UQCRC1: variants seen among roughly 807,000 people sequenced by gnomAD.
UQCRC1 encodes the protein cytochrome b-c1 complex subunit 1, mitochondrial.
Under a neutral mutation model 58.0 loss-of-function variants are expected in UQCRC1, and 34 were observed. The ratio of observed to expected loss-of-function variants is 0.59; its 90% CI spans 0.45 to 0.78. The LOEUF (loss-of-function observed/expected upper bound fraction) is 0.78, where lower values mean the gene tolerates loss of function less well. Ranked by LOEUF, UQCRC1 falls within the 30% of genes least tolerant of loss-of-function variation. The probability of loss-of-function intolerance (pLI) is 0.00; values close to 1 mark genes in which losing one functional copy is unlikely to be tolerated. For missense variants in UQCRC1, 610 were observed against 646.0 expected (o/e 0.94, Z 0.60); for synonymous variants, 276 against 248.8 (o/e 1.11, Z -1.03).
At position 48,609,583 on chromosome 3, in the gene UQCRC1, CCGGCGGTAGCGGCCCGACAGACCA is replaced by C; in HGVS notation, c.14_37del (p.Val5_Ala12del). On this transcript the variant is annotated inframe_deletion, in exon 1 of 13. Coordinates refer to ENST00000203407, the MANE Select transcript of UQCRC1 (RefSeq NM_003365.3). ...GCGGGCGCGCAATAGCACTTGTGCC[CCGGCGGTAGCGGCCCGACAGACCA>C]CGGACGCCGCCATCTTCCAGCTGCA... The C allele has an allele frequency of 6.4e-7, 1 of 1,571,798 alleles. No individual in the cohort carries two copies. Among genetic ancestry groups the C allele is most frequent in the Non-Finnish European group, 8.6e-7 (1 of 1,163,582 alleles).
At chr3:48,605,304 T>C (rs138596516) in intron 3 of UQCRC1, among the ~76,000 whole-genome samples, 3 of 152,330 alleles carry the variant, frequency 2.0e-5, no homozygotes, top group East Asian at 1.9e-4. Context: ...ACCTGTGACA[T>C]TGCAGCTGGC....
intron 11 of UQCRC1, 95 bp from the exon 12 acceptor site, chr3:48,599,805 C>G: frequency 7.5e-7 from 1 of 1,334,738 alleles, no homozygotes; most frequent in African/African-American, 1.4e-5. Context: ...CTCCCACAGG[C>G]AGCATGCAGC....
chr3:48,601,913 G>A (rs1001484563), intron 6 of UQCRC1, among the ~76,000 whole-genome samples: 1 of 152,118 alleles, frequency 6.6e-6, no homozygotes, highest in Non-Finnish European at 1.5e-5. Context: ...GCTATTACAG[G>A]GCTGTGATTA....
At chr3:48,599,298 C>T in intron 12 of UQCRC1, 106 bp from the exon 13 acceptor site, 1 of 1,295,318 alleles carries the variant, frequency 7.7e-7, no homozygotes, top group Non-Finnish European at 1.1e-6. Flanking sequence ...CAGCACAAGA[C>T]AGGCTTTGAG....
chr3:48,601,159 C>T (rs1310349010), intron 7 of UQCRC1, 41 bp from the exon 8 acceptor site: 2 of 1,574,840 alleles, frequency 1.3e-6, no homozygotes, highest in South Asian at 1.2e-5. Flanking sequence ...AGCCAGACTG[C>T]CAGGGGAACA....
chr3:48,602,378 A>G (rs1162339271), intron 6 of UQCRC1, among the ~76,000 whole-genome samples: 1 of 151,182 alleles, frequency 6.6e-6, no homozygotes, highest in African/African-American at 2.4e-5. Context: ...CCTTCCTTCC[A>G]TGAGCTCAAG....
rs746129785 is a variant in UQCRC1 at position 48,599,108 on chromosome 3, T to C, written c.*20A>G. The C allele has an allele frequency of 6.2e-7, 1 of 1,611,290 alleles. No individual in the cohort carries two copies. The highest frequency in any genetic ancestry group is 2.2e-5 in the East Asian group (1 of 44,736). Reference sequence around the variant, plus strand: ...ACCACAAACCCCGGCCCTGCCCTCTTGCTTACATAGGCTTCCCGCCTAGAA... The same window carrying C: ...ACCACAAACCCCGGCCCTGCCCTCTCGCTTACATAGGCTTCCCGCCTAGAA... On this transcript the variant is annotated 3_prime_UTR_variant, in exon 13 of 13. Coordinates refer to ENST00000203407, the MANE Select transcript of UQCRC1 (RefSeq NM_003365.3).
chr3:48,600,173 C>CA (rs1406416278), intron 10 of UQCRC1, 22 bp from the exon 11 acceptor site: 1 of 1,613,122 alleles, frequency 6.2e-7, no homozygotes. Context: ...AGAGAAGGCT[C>CA]AGAGGTCCAC....
chr3:48,601,484 T>G lies in UQCRC1; in HGVS notation c.707-17A>C. ...GCTCCACTCCTGCTGAGACAGACAG[T>G]GGCATTACTGACCAGCCAGGGCCCA... is the stretch of plus-strand genomic sequence containing the variant. On this transcript the variant is annotated splice_polypyrimidine_tract_variant and intron_variant, in intron 6 of 12. Coordinates refer to ENST00000203407, the MANE Select transcript of UQCRC1 (RefSeq NM_003365.3). 1 of 1,611,748 alleles carries G rather than the reference T, an allele frequency of 6.2e-7. No individual in the cohort carries two copies. Among genetic ancestry groups the G allele is most frequent in the Admixed American group, 1.7e-5 (1 of 59,698 alleles).
intron 2 of UQCRC1, among the ~76,000 whole-genome samples, chr3:48,607,284 G>A (rs1226705235): frequency 2.0e-5 from 3 of 151,720 alleles, no homozygotes; most frequent in Non-Finnish European, 2.9e-5. Context: ...CTTGTGATTC[G>A]CCCGCCTCGG....
At position 48,600,994 on chromosome 3, in the gene UQCRC1, C is replaced by T. The variant is rs1220541954; in HGVS notation, c.947G>A (p.Cys316Tyr). ...ACTCACCACGCCACCACCATAAGTG[C>T]AGTCATAGTGGCCGATGATGGCATT... ...VANAIIGHYD[C>Y]TYGGGVHLSS... The change falls in exon 8 of 13, where the codon TGC becomes TAC. Residue 316 changes from cysteine to tyrosine, a missense_variant. Cys to Tyr is a radical substitution (Grantham distance 194, BLOSUM62 -2). Transcript: ENST00000203407. 6.2e-7 allele frequency: 1 copy of T among 1,605,882 alleles called. No individual in the cohort carries two copies. Among genetic ancestry groups the T allele is most frequent in the Non-Finnish European group, 8.5e-7 (1 of 1,173,470 alleles).
intron 5 of UQCRC1, chr3:48,603,920 G>A: frequency 1.7e-6 from 1 of 583,152 alleles, no homozygotes; most frequent in African/African-American, 1.9e-5. Flanking sequence ...ACTCTCAAAA[G>A]GGCAGCATCA....
rs1197665275 is a variant in UQCRC1, at chr3:48,600,580, G to A, written c.1128-13C>T. The stretch of plus-strand genomic sequence containing the variant: ...ACACAGGCGCATCCTAAAGTGGGGG[G>A]GTGGGTGGTATTCATTCTGAGCCAG... On this transcript the variant is annotated splice_polypyrimidine_tract_variant and intron_variant, in intron 9 of 12. Coordinates refer to ENST00000203407, the MANE Select transcript of UQCRC1 (RefSeq NM_003365.3). The A allele has an allele frequency of 6.2e-7, 1 of 1,614,074 alleles. No homozygotes were observed. The highest frequency in any genetic ancestry group is 2.2e-5 in the East Asian group (1 of 44,888).
Position 48,599,072 on chromosome 3 carries a change from G to GT in UQCRC1, c.*55dup, listed in dbSNP as rs2046336160. 49 of 1,594,672 alleles carry GT rather than the reference G, an allele frequency of 3.1e-5. No individual in the cohort carries two copies. Among genetic ancestry groups the GT allele is most frequent in the Non-Finnish European group, 3.9e-5 (45 of 1,165,848 alleles). On this transcript the variant is annotated 3_prime_UTR_variant, in exon 13 of 13. Coordinates refer to ENST00000203407, the MANE Select transcript of UQCRC1 (RefSeq NM_003365.3). ...GAGGAGCCGAAGTGCTGTGTTTGTG[G>GT]TGGGGGGGGGACCACAAACCCCGGC...
chr3:48,600,233 T>C (rs886535239), intron 10 of UQCRC1, 82 bp from the exon 11 acceptor site: 2 of 1,499,560 alleles, frequency 1.3e-6, no homozygotes, highest in African/African-American at 1.4e-5. Context: ...CAGCCTCAGG[T>C]TGACAAGGAC....
rs780081876 is a variant in UQCRC1, at chr3:48,604,435, G to C, written c.428-4C>G. ...ATGTCACCCAGGAGCTCCACAGCTA[G>C]ATGCAAGGAGGACATGTTTAGGTGC... On this transcript the variant is annotated splice_polypyrimidine_tract_variant and splice_region_variant and intron_variant, in intron 4 of 12. Transcript: ENST00000203407. 25 of 1,613,474 alleles carry C rather than the reference G, an allele frequency of 1.5e-5. No individual in the cohort carries two copies. The highest frequency in any genetic ancestry group is 1.9e-5 in the Non-Finnish European group (23 of 1,179,734).
Position 48,599,045 on chromosome 3 carries a change from T to A in UQCRC1, c.*83A>T. On this transcript the variant is annotated 3_prime_UTR_variant, in exon 13 of 13. Transcript: ENST00000203407. The stretch of plus-strand genomic sequence containing the variant: ...ATTGGTGGTCACCTGTGGCACAGGT[T>A]AGAGGAGCCGAAGTGCTGTGTTTGT... 1.3e-6 allele frequency: 2 copies of A among 1,522,734 alleles called. No individual in the cohort carries two copies. Among genetic ancestry groups the A allele is most frequent in the South Asian group, 1.1e-5 (1 of 86,990 alleles). 94.3% of individuals were successfully genotyped at this position (1,522,734 alleles called of 1,614,324 possible).
chr3:48,604,508 G>A, intron 4 of UQCRC1, 77 bp from the exon 5 acceptor site: 2 of 1,585,390 alleles, frequency 1.3e-6, no homozygotes, highest in South Asian at 1.1e-5. Flanking sequence ...CCCAGGCCTG[G>A]CATCTCCTGC....
chr3:48,609,329 G>C lies in UQCRC1; in HGVS notation c.70-27C>G, dbSNP rs537985826. 1.6e-5 allele frequency: 25 copies of C among 1,592,368 alleles called. No individual in the cohort carries two copies. The South Asian group carries it at 2.6e-4, about 16-fold the overall frequency. On this transcript the variant is annotated intron_variant, in intron 1 of 12. Coordinates refer to ENST00000203407, the MANE Select transcript of UQCRC1 (RefSeq NM_003365.3). ...TGTGGAAGGGAACAGCCGCGAGTGA[G>C]GACTCGGTCAGGGGATCGCTCCCCA...
Sources: gnomAD v4.1 joint callset for allele counts (sites outside exome capture counted in the v4.1 genomes callset) on GRCh38, gnomAD v4.1.1 for gene constraint, MANE v1.5 for transcripts, NCBI Gene and HGNC (gene_info 2026-07-23, HGNC 2026-07-21) for gene names.